Variants in NRG1 observed in about 807,000 individuals in gnomAD.
NRG1 encodes the protein neuregulin 1.
A neutral mutation model predicts 63.8 loss-of-function variants in NRG1; 18 were observed. That is an observed-to-expected ratio of 0.28 (90% CI 0.19 to 0.42). NRG1 has a LOEUF of 0.42. Among genes scored for constraint, NRG1 ranks in the 10% least tolerant of loss-of-function variants. The probability of loss-of-function intolerance (pLI) is 1.00; values close to 1 mark genes in which losing one functional copy is unlikely to be tolerated. For missense variants in NRG1, 762 were observed against 814.7 expected (o/e 0.94, Z 0.79); for synonymous variants, 302 against 301.3 (o/e 1.00, Z -0.02).
chr8:32,109,609 A>G (rs1311717534), intron 1 of NRG1, among the ~76,000 whole-genome samples: 1 of 152,124 alleles, frequency 6.6e-6, no homozygotes, highest in African/African-American at 2.4e-5. Flanking sequence ...CAAGTCAAAC[A>G]CAAGTGAGGC....
chr8:32,544,626 C>A (rs1014847547), upstream of NRG1, among the ~76,000 whole-genome samples: 7 of 151,388 alleles, frequency 4.6e-5, 1 homozygote, highest in Admixed American at 4.6e-4. Context: ...ACCTCAACCT[C>A]CCAGTAGCTG....
chr8:32,179,809 G>C (rs909159203), intron 1 of NRG1, among the ~76,000 whole-genome samples: 2 of 152,164 alleles, frequency 1.3e-5, no homozygotes, highest in African/African-American at 4.8e-5. Context: ...TCCTCTAGTA[G>C]AAGTCCTTCC....
chr8:32,601,085 G>A (rs919341129), intron 2 of NRG1, among the ~76,000 whole-genome samples: 2 of 152,064 alleles, frequency 1.3e-5, no homozygotes, highest in Non-Finnish European at 2.9e-5. Context: ...CTTACTCTAG[G>A]ACACAAGGCT....
intron 1 of NRG1, among the ~76,000 whole-genome samples, chr8:32,562,123 T>C (rs898260568): frequency 6.6e-6 from 1 of 152,040 alleles, no homozygotes; most frequent in African/African-American, 2.4e-5. Flanking sequence ...ACTCCTAAAG[T>C]CTGCTGATTC....
At chr8:31,647,745 G>C (rs117149227) in intron 1 of NRG1, among the ~76,000 whole-genome samples, 6 of 152,312 alleles carry the variant, frequency 3.9e-5, no homozygotes, top group Non-Finnish European at 8.8e-5. Flanking sequence ...GACACCTCCG[G>C]ACAATCCTTT....
intron 11 of NRG1, among the ~76,000 whole-genome samples, chr8:32,762,929 C>T (rs915113584): frequency 3.9e-5 from 6 of 152,138 alleles, no homozygotes; most frequent in African/African-American, 1.4e-4. Context: ...TAACAGGGTA[C>T]AGCCAACCCT....
intron 1 of NRG1, among the ~76,000 whole-genome samples, chr8:32,503,460 C>T (rs1166113919): frequency 6.6e-6 from 1 of 151,982 alleles, no homozygotes; most frequent in Non-Finnish European, 1.5e-5. Flanking sequence ...ATGTCGGAAA[C>T]TATTTTTAAG....
chr8:32,763,784 ACC>A lies in NRG1; in HGVS notation c.1297_1298del (p.Pro433CysfsTer56). 1 of 1,577,792 alleles carries A rather than the reference ACC, an allele frequency of 6.3e-7. No homozygotes were observed. Among genetic ancestry groups the A allele is most frequent in the Non-Finnish European group, 8.6e-7 (1 of 1,162,370 alleles). ...CCATGACCACCCCGGCTCGTATGTC[ACC>A]TGTAGATTTCCACACGCCAAGCTCC... is the stretch of plus-strand genomic sequence containing the variant. On this transcript the variant is annotated frameshift_variant, in exon 12 of 12. Coordinates refer to ENST00000356819, the Ensembl canonical transcript of NRG1. LOFTEE classifies it high-confidence loss of function.
At chr8:32,664,393 T>TA (rs1240237154) in intron 5 of NRG1, among the ~76,000 whole-genome samples, 1 of 151,542 alleles carries the variant, frequency 6.6e-6, no homozygotes, top group Non-Finnish European at 1.5e-5. Flanking sequence ...GCCTTGAGAG[T>TA]AACATATGAT....
rs764355855 is a variant in NRG1 at position 32,192,639 on chromosome 8, C to T, written c.38-403189C>T. 4.1e-4 allele frequency among the ~76,000 whole-genome samples: 63 copies of T among 152,108 alleles called. 1 individual carries two copies. The highest frequency in any genetic ancestry group is 3.4e-3 in the Middle Eastern group (1 of 294). ...AAAGCTAACTATTGGGTACCATGCT[C>T]GGTAGTTGGGTAATGGGATTATTTG... On this transcript the variant is annotated intron_variant, in intron 1 of 10. Transcript: ENST00000519301.
chr8:32,061,316 C>T (rs1452187810), intron 1 of NRG1, among the ~76,000 whole-genome samples: 1 of 151,938 alleles, frequency 6.6e-6, no homozygotes, highest in Non-Finnish European at 1.5e-5. Flanking sequence ...TGATACTCAC[C>T]TCTGATATTG....
intron 1 of NRG1, among the ~76,000 whole-genome samples, chr8:32,517,489 C>T (rs1466220102): frequency 6.6e-6 from 1 of 152,082 alleles, no homozygotes; most frequent in Admixed American, 6.6e-5. Context: ...GAAAAAGCTT[C>T]ATCAAAAGAA....
chr8:32,728,159 C>T, intron 6 of NRG1, 81 bp downstream of exon 6: 1 of 1,568,560 alleles, frequency 6.4e-7, no homozygotes, highest in Non-Finnish European at 8.6e-7. Flanking sequence ...TGTATTGTTG[C>T]TTTTTTTCCA....
At chr8:32,744,877 TGTGAAGTTCAGAGTGTG>T (rs1231941029) in intron 7 of NRG1, among the ~76,000 whole-genome samples, 4 of 152,210 alleles carry the variant, frequency 2.6e-5, no homozygotes, top group African/African-American at 9.6e-5. Context: ...ACTATGTTTT[TGTGAAGTTCAGAGTGTG>T]ATTCCTTAAA....
At chr8:32,111,837 C>T (rs1431319041) in intron 1 of NRG1, among the ~76,000 whole-genome samples, 1 of 152,078 alleles carries the variant, frequency 6.6e-6, no homozygotes, top group African/African-American at 2.4e-5. Flanking sequence ...AGGCATGCCT[C>T]CAGACACCAG....
intron 1 of NRG1, among the ~76,000 whole-genome samples, chr8:31,993,543 C>T (rs1811430378): frequency 6.6e-6 from 1 of 151,908 alleles, no homozygotes; most frequent in South Asian, 2.1e-4. Flanking sequence ...AGGCAGTTCC[C>T]CTGCACAAGC....
intron 1 of NRG1, among the ~76,000 whole-genome samples, chr8:31,877,569 G>A (rs1336375580): frequency 1.3e-5 from 2 of 151,682 alleles, no homozygotes; most frequent in African/African-American, 4.8e-5. Flanking sequence ...CCACTCTATT[G>A]GACTTGTAAG....
At chr8:32,616,126 A>G (rs1216551989) in intron 4 of NRG1, among the ~76,000 whole-genome samples, 5 of 152,032 alleles carry the variant, frequency 3.3e-5, no homozygotes, top group Admixed American at 3.3e-4. Context: ...ATTTCTTACT[A>G]ATGAAAACCC....
At chr8:31,876,464 A>G (rs1283060439) in intron 1 of NRG1, among the ~76,000 whole-genome samples, 1 of 152,204 alleles carries the variant, frequency 6.6e-6, no homozygotes, top group East Asian at 1.9e-4. Flanking sequence ...GTCTTTGATT[A>G]TCACATTTAG....
Sources: gnomAD v4.1 joint callset for allele counts (sites outside exome capture counted in the v4.1 genomes callset) on GRCh38, gnomAD v4.1.1 for gene constraint, MANE v1.5 for transcripts, NCBI Gene and HGNC (gene_info 2026-07-23, HGNC 2026-07-21) for gene names.